Variants in FAM163A observed in about 807,000 individuals in gnomAD.
FAM163A encodes the protein protein FAM163A.
A neutral mutation model predicts 12.0 loss-of-function variants in FAM163A; 7 were observed. That is an observed-to-expected ratio of 0.58 (90% CI 0.33 to 1.10). The LOEUF is 1.10. Ranked by LOEUF, FAM163A falls within the 50% of genes least tolerant of loss-of-function variation. The pLI is 0.03. For missense variants in FAM163A, 202 were observed against 218.6 expected (o/e 0.92, Z 0.48); for synonymous variants, 101 against 91.0 (o/e 1.11, Z -0.62).
intron 1 of FAM163A, among the ~76,000 whole-genome samples, chr1:179,805,519 G>A (rs1693808981): frequency 6.7e-6 from 1 of 149,248 alleles, no homozygotes; most frequent in South Asian, 2.1e-4. Context: ...CTGCGCAACA[G>A]AGCAAAACTC....
chr1:179,784,657 A>C (rs1241397494), intron 1 of FAM163A, among the ~76,000 whole-genome samples: 1 of 152,232 alleles, frequency 6.6e-6, no homozygotes, highest in Admixed American at 6.5e-5. Flanking sequence ...AAACCTGCGC[A>C]CATGAAGCAC....
chr1:179,777,338 T>G (rs1196172033), intron 1 of FAM163A, among the ~76,000 whole-genome samples: 2 of 152,216 alleles, frequency 1.3e-5, no homozygotes, highest in East Asian at 3.8e-4. Context: ...TTTTTAAACT[T>G]CAGTTTTTGA....
chr1:179,802,382 G>C (rs1395007825), intron 1 of FAM163A, among the ~76,000 whole-genome samples: 2 of 152,186 alleles, frequency 1.3e-5, no homozygotes, highest in Admixed American at 1.3e-4. Context: ...CCTTGTTGCT[G>C]TGTGTTGCAG....
chr1:179,763,496 G>A (rs149093685), intron 1 of FAM163A, among the ~76,000 whole-genome samples: 70 of 152,326 alleles, frequency 4.6e-4, no homozygotes, highest in African/African-American at 1.7e-3. Context: ...GAGCAAAGGG[G>A]CTGAAAAACA....
At chr1:179,744,388 T>C (rs1684140074) in intron 1 of FAM163A, among the ~76,000 whole-genome samples, 1 of 151,880 alleles carries the variant, frequency 6.6e-6, no homozygotes, top group Admixed American at 6.5e-5. Context: ...GAGGCCCGCA[T>C]TGGGCTGCTG....
intron 1 of FAM163A, among the ~76,000 whole-genome samples, chr1:179,790,533 G>A (rs548086740): frequency 1.3e-5 from 2 of 152,100 alleles, no homozygotes; most frequent in South Asian, 2.1e-4. Context: ...CTGGATAAAC[G>A]ACGAGTTGGT....
Position 179,814,246 on chromosome 1 carries a change from G to A in FAM163A, c.*57G>A, listed in dbSNP as rs2148392501. On this transcript the variant is annotated 3_prime_UTR_variant, in exon 5 of 5. Transcript: ENST00000341785. Reference sequence around the variant, plus strand: ...CACTGCTGCCCTGGCGGGGGCCATGGGGGTGATGAATGACCCTCCAACAGC... The same window carrying A: ...CACTGCTGCCCTGGCGGGGGCCATGAGGGTGATGAATGACCCTCCAACAGC... The A allele has an allele frequency of 6.5e-7, 1 of 1,531,360 alleles. No homozygotes were observed. Among genetic ancestry groups the A allele is most frequent in the African/African-American group, 1.4e-5 (1 of 72,448 alleles). The allele number at this position is 1,531,360 out of a possible 1,614,324, so 94.9% of individuals were successfully genotyped here.
At position 179,815,954 on chromosome 1, in the gene FAM163A, A is replaced by C. The variant is rs1368161105; in HGVS notation, c.*1765A>C. ...CACACTTTGGTCACTCATTAGCTCTAGGACCAGTCACTAATCTCTGAGACT... is the reference window on the plus strand; with the variant it reads ...CACACTTTGGTCACTCATTAGCTCTCGGACCAGTCACTAATCTCTGAGACT... On this transcript the variant is annotated 3_prime_UTR_variant, in exon 5 of 5. Coordinates refer to ENST00000341785, the MANE Select transcript of FAM163A (RefSeq NM_173509.3). 6.6e-6 allele frequency: 1 copy of C among 152,254 alleles called. No individual in the cohort carries two copies. Among genetic ancestry groups the C allele is most frequent in the Non-Finnish European group, 1.5e-5 (1 of 68,086 alleles). 9.4% of individuals were successfully genotyped at this position (152,254 alleles called of 1,614,324 possible). A position where few individuals can be genotyped will look rare whatever the true frequency, so the allele number is the denominator to read the frequency against.
chr1:179,755,970 C>T (rs754512607), intron 1 of FAM163A, among the ~76,000 whole-genome samples: 5 of 152,170 alleles, frequency 3.3e-5, no homozygotes, highest in Non-Finnish European at 5.9e-5. Flanking sequence ...TGAGCAGCAC[C>T]CTTTACCCCA....
intron 1 of FAM163A, among the ~76,000 whole-genome samples, chr1:179,768,567 T>C (rs1257242129): frequency 6.6e-6 from 1 of 152,070 alleles, no homozygotes; most frequent in Admixed American, 6.6e-5. Flanking sequence ...ACATCCAGCT[T>C]TGGCTTTGGT....
rs569359359 is a variant in FAM163A at position 179,775,698 on chromosome 1, A to G, written c.-135-32100A>G. ...CATATGATCAACACTCACATTCAGTATTCAATAAATATCAGTAGGATAGAT... is the reference window on the plus strand; with the variant it reads ...CATATGATCAACACTCACATTCAGTGTTCAATAAATATCAGTAGGATAGAT... On this transcript the variant is annotated intron_variant, in intron 1 of 4. Transcript: ENST00000341785. Among the ~76,000 whole-genome samples the G allele has an allele frequency of 5.9e-4, 90 of 152,342 alleles. No individual in the cohort carries two copies. The South Asian group carries it at 6.8e-3, about 12-fold the overall frequency.
intron 3 of FAM163A, among the ~76,000 whole-genome samples, chr1:179,812,745 A>G (rs184739485): frequency 1.7e-4 from 26 of 152,336 alleles, no homozygotes; most frequent in African/African-American, 5.5e-4. Flanking sequence ...GAGCCCCGCA[A>G]TCAGCGGCAG....
chr1:179,780,231 T>C (rs1422949888), intron 1 of FAM163A, among the ~76,000 whole-genome samples: 1 of 152,248 alleles, frequency 6.6e-6, no homozygotes, highest in Admixed American at 6.5e-5. Context: ...ACTGACAGGA[T>C]AAAATAATCC....
At chr1:179,756,144 C>A (rs777426709) in intron 1 of FAM163A, among the ~76,000 whole-genome samples, 1 of 152,116 alleles carries the variant, frequency 6.6e-6, no homozygotes, top group Non-Finnish European at 1.5e-5. Flanking sequence ...CAAAGTCTTA[C>A]CAGAAAAGCC....
At chr1:179,765,029 G>A (rs1687300912) in intron 1 of FAM163A, among the ~76,000 whole-genome samples, 1 of 152,150 alleles carries the variant, frequency 6.6e-6, no homozygotes, top group African/African-American at 2.4e-5. Flanking sequence ...AGAACTGATG[G>A]GCTGCCTCCT....
At chr1:179,740,232 G>T (rs924865683), upstream of FAM163A, among the ~76,000 whole-genome samples, 3 of 152,120 alleles carry the variant, frequency 2.0e-5, no homozygotes, top group African/African-American at 7.2e-5. Flanking sequence ...AAGCTGAAGT[G>T]CGGTGGTTCA....
intron 2 of FAM163A, among the ~76,000 whole-genome samples, chr1:179,809,398 C>T (rs942214787): frequency 2.6e-5 from 4 of 152,128 alleles, no homozygotes; most frequent in South Asian, 2.1e-4. Context: ...GCAAGGGAGA[C>T]GTGAGAGGAA....
At chr1:179,754,704 G>T (rs545337836) in intron 1 of FAM163A, among the ~76,000 whole-genome samples, 11 of 152,312 alleles carry the variant, frequency 7.2e-5, no homozygotes, top group African/African-American at 2.4e-4. Flanking sequence ...ACATAAAATG[G>T]CAGGTTATGG....
intron 4 of FAM163A, 131 bp from the exon 5 acceptor site, chr1:179,813,648 G>T: frequency 9.9e-7 from 1 of 1,008,816 alleles, no homozygotes; most frequent in Non-Finnish European, 1.5e-6. Flanking sequence ...TGTGGAGCAG[G>T]CCCCTGGGGT....
Sources: allele counts gnomAD v4.1 joint callset (sites outside exome capture counted in the v4.1 genomes callset), GRCh38; gene constraint gnomAD v4.1.1; transcripts MANE v1.5; gene names NCBI Gene and HGNC (gene_info 2026-07-23, HGNC 2026-07-21).